Variants in PCDH11X observed in about 807,000 individuals in gnomAD.
PCDH11X encodes the protein protocadherin-11 X-linked.
In PCDH11X, 18 loss-of-function variants were observed where a neutral mutation model predicts 53.3. The ratio of observed to expected loss-of-function variants is 0.34; its 90% CI spans 0.23 to 0.50. The LOEUF (loss-of-function observed/expected upper bound fraction) is 0.50, where lower values mean the gene tolerates loss of function less well. PCDH11X is among the 20% of genes least tolerant of loss of function. PCDH11X has a pLI of 0.98. For synonymous variants in PCDH11X, 279 were observed against 393.3 expected, an observed-to-expected ratio of 0.71 and a Z score of 3.44; for missense variants, 570 against 1,032.4, an observed-to-expected ratio of 0.55 and a Z score of 6.14.
chrX:91,914,795 G>T (rs1216549820), intron 6 of PCDH11X, among the ~76,000 whole-genome samples: 1 of 112,004 alleles, frequency 8.9e-6, no homozygotes, highest in Non-Finnish European at 1.9e-5. Context: ...CCTGAGAAGA[G>T]AAATCTAAAA....
chrX:91,916,723 A>G (rs1266397987), intron 6 of PCDH11X, among the ~76,000 whole-genome samples: 1 of 110,473 alleles, frequency 9.1e-6, no homozygotes, highest in Non-Finnish European at 1.9e-5. Flanking sequence ...TCACAGCTGA[A>G]TCCTATCGGA....
intron 9 of PCDH11X, among the ~76,000 whole-genome samples, chrX:92,452,482 T>TATATAC (rs2072812262): frequency 1.5e-5 from 1 of 67,692 alleles, no homozygotes; most frequent in Non-Finnish European, 2.6e-5. Context: ...TATATATATA[T>TATATAC]ATATATATAT....
intron 6 of PCDH11X, among the ~76,000 whole-genome samples, chrX:92,068,262 A>G (rs2759896): frequency 0.27 from 29,053 of 106,407 alleles, 5,215 homozygotes; most frequent in African/African-American, 0.59. Context: ...TTATTTGAAG[A>G]GTTTTTGTTT....
At chrX:92,496,287 C>A (rs1161208668) in intron 10 of PCDH11X, among the ~76,000 whole-genome samples, 5 of 94,088 alleles carry the variant, frequency 5.3e-5, no homozygotes, top group African/African-American at 2.1e-4. Context: ...CTTCAAAATC[C>A]CAGAAGTTGA....
intron 8 of PCDH11X, among the ~76,000 whole-genome samples, chrX:92,375,805 G>A (rs1359353745): frequency 9.1e-6 from 1 of 109,392 alleles, no homozygotes; most frequent in Admixed American, 9.8e-5. Context: ...TGTATTTTTA[G>A]TAGAGACAGG....
At chrX:91,923,349 T>C (rs1439762815) in intron 6 of PCDH11X, among the ~76,000 whole-genome samples, 1 of 90,900 alleles carries the variant, frequency 1.1e-5, no homozygotes, top group Non-Finnish European at 2.2e-5. Flanking sequence ...ACCCTCAATC[T>C]GGGTGGGCAC....
chrX:92,172,897 T>G (rs190564724), intron 6 of PCDH11X, among the ~76,000 whole-genome samples: 1 of 111,985 alleles, frequency 8.9e-6, no homozygotes, highest in African/African-American at 3.2e-5. Flanking sequence ...GGTGTAGTAC[T>G]TAAGGTAATT....
intron 6 of PCDH11X, among the ~76,000 whole-genome samples, chrX:92,183,247 C>T (rs942830185): frequency 1.1e-5 from 1 of 93,537 alleles, no homozygotes; most frequent in African/African-American, 3.9e-5. Context: ...TCTAGAGAAA[C>T]CTTTTTTTTT....
At chrX:92,558,817 C>G (rs764701941) in intron 10 of PCDH11X, among the ~76,000 whole-genome samples, 76 of 111,045 alleles carry the variant, frequency 6.8e-4, no homozygotes, top group African/African-American at 2.4e-3. Flanking sequence ...GGTATCTTAA[C>G]TTAATTGATC....
At chrX:92,284,127 A>G (rs1216537006) in intron 8 of PCDH11X, among the ~76,000 whole-genome samples, 1 of 109,108 alleles carries the variant, frequency 9.2e-6, no homozygotes, top group Admixed American at 9.9e-5. Context: ...TTCTATTGAT[A>G]CTCAATGTAG....
At chrX:92,323,286 G>T in intron 8 of PCDH11X, among the ~76,000 whole-genome samples, 1 of 110,250 alleles carries the variant, frequency 9.1e-6, no homozygotes, top group Admixed American at 9.7e-5. Context: ...CTGTCAGACT[G>T]TGATCTTTTT....
chrX:92,187,043 G>A (rs1284381192), intron 6 of PCDH11X, among the ~76,000 whole-genome samples: 1 of 111,649 alleles, frequency 9.0e-6, no homozygotes, highest in East Asian at 2.8e-4. Flanking sequence ...GCTTTTAGTA[G>A]GTGTATTAGC....
At chrX:92,136,792 GC>G (rs1201715467) in intron 6 of PCDH11X, among the ~76,000 whole-genome samples, 1 of 110,473 alleles carries the variant, frequency 9.1e-6, no homozygotes, top group East Asian at 2.8e-4. Flanking sequence ...TAGGTGCTGA[GC>G]AGAGGAATTA....
chrX:92,312,033 TGTAGA>T (rs1014901314), intron 8 of PCDH11X, among the ~76,000 whole-genome samples: 22 of 111,478 alleles, frequency 2.0e-4, no homozygotes, highest in African/African-American at 6.5e-4. Context: ...ATATGTATTC[TGTAGA>T]GTAAATAAGC....
chrX:92,427,007 C>T (rs1183762757), intron 9 of PCDH11X, among the ~76,000 whole-genome samples: 1 of 109,737 alleles, frequency 9.1e-6, no homozygotes, highest in Non-Finnish European at 1.9e-5. Flanking sequence ...GTTGCATTAT[C>T]TTCTTTCCTC....
intron 7 of PCDH11X, among the ~76,000 whole-genome samples, chrX:92,258,300 G>C (rs181867458): frequency 9.0e-6 from 1 of 110,578 alleles, no homozygotes; most frequent in East Asian, 2.9e-4. Context: ...TGTCTGAAAT[G>C]CCCTTGAGAT....
chrX:92,544,538 G>A (rs1364013122), intron 10 of PCDH11X, among the ~76,000 whole-genome samples: 1 of 108,017 alleles, frequency 9.3e-6, no homozygotes, highest in Non-Finnish European at 1.9e-5. Flanking sequence ...GTTGGATTTT[G>A]TTATGATTAT....
intron 6 of PCDH11X, among the ~76,000 whole-genome samples, chrX:91,932,104 G>T (rs2061392747): frequency 9.0e-6 from 1 of 110,546 alleles, no homozygotes; most frequent in African/African-American, 3.3e-5. Context: ...TCCTGTATCA[G>T]TTTGCGGAGG....
rs2067713173 is a variant in PCDH11X at position 92,261,457 on chromosome X, G to A, written c.3115-1657G>A. ...CAACTTCTTCATTAGCTTAAATGTT[G>A]GTTAAGTCATTAACTTTTCAATAAT... On this transcript the variant is annotated intron_variant, in intron 7 of 10. Transcript: ENST00000682573. Among the ~76,000 whole-genome samples, 3 of 111,259 alleles carry A rather than the reference G, an allele frequency of 2.7e-5. No individual in the cohort carries two copies. The South Asian group carries it at 1.1e-3, about 42-fold the overall frequency.
Sources: gnomAD v4.1 joint callset for allele counts (sites outside exome capture counted in the v4.1 genomes callset) on GRCh38, gnomAD v4.1.1 for gene constraint, MANE v1.5 for transcripts, NCBI Gene and HGNC (gene_info 2026-07-23, HGNC 2026-07-21) for gene names.